WRN: variants seen among roughly 807,000 people sequenced by gnomAD.
WRN encodes the protein WRN RecQ like helicase.
Under a neutral mutation model 180.7 loss-of-function variants are expected in WRN, and 149 were observed. The observed-to-expected ratio is 0.82, with a 90% CI of 0.72 to 0.94. The LOEUF is 0.94. Ranked by LOEUF, WRN falls within the 40% of genes least tolerant of loss-of-function variation. The pLI, the probability that WRN is intolerant of heterozygous loss-of-function variation, is 0.00. For missense variants in WRN, 1,661 were observed against 1,700.1 expected, an observed-to-expected ratio of 0.98 and a Z score of 0.40; for synonymous variants, 548 against 568.9, an observed-to-expected ratio of 0.96 and a Z score of 0.52.
At chr8:31,143,655 T>G in intron 28 of WRN, 32 bp downstream of exon 28, 1 of 1,465,128 alleles carries the variant, frequency 6.8e-7, no homozygotes, top group Non-Finnish European at 9.5e-7. Context: ...TGTTCTATAC[T>G]TGCTTTATGA....
chr8:31,036,630 T>G (rs1484762043), intron 1 of WRN, among the ~76,000 whole-genome samples: 2 of 152,244 alleles, frequency 1.3e-5, no homozygotes, highest in Non-Finnish European at 2.9e-5. Flanking sequence ...ATATACTTGT[T>G]GGTTATTTGT....
At chr8:31,084,819 G>C (rs1430413590) in intron 10 of WRN, among the ~76,000 whole-genome samples, 1 of 152,138 alleles carries the variant, frequency 6.6e-6, no homozygotes, top group African/African-American at 2.4e-5. Context: ...TTTCAACATT[G>C]TGAAGAGTTC....
intron 1 of WRN, among the ~76,000 whole-genome samples, chr8:31,049,160 G>A (rs556032904): frequency 6.3e-4 from 78 of 123,300 alleles, no homozygotes; most frequent in Middle Eastern, 0.014. Context: ...GCAGTGAGCC[G>A]AGATCACGCC....
chr8:31,155,380 C>T (rs1049011157), intron 32 of WRN, among the ~76,000 whole-genome samples: 15 of 152,108 alleles, frequency 9.9e-5, no homozygotes, highest in South Asian at 6.2e-4. Context: ...CCCAGCACTT[C>T]GGGAGGCTGA....
At chr8:31,064,543 A>C (rs919144391) in intron 4 of WRN, 109 bp downstream of exon 4, 6 of 1,454,340 alleles carry the variant, frequency 4.1e-6, no homozygotes, top group Non-Finnish European at 5.7e-6. Flanking sequence ...CATTATCTCA[A>C]ATTTATTTAA....
chr8:31,049,956 A>G (rs1014206745), intron 1 of WRN, among the ~76,000 whole-genome samples: 5 of 151,850 alleles, frequency 3.3e-5, no homozygotes, highest in Non-Finnish European at 7.4e-5. Flanking sequence ...ATATCATAAG[A>G]CAAGTAATAT....
intron 10 of WRN, among the ~76,000 whole-genome samples, chr8:31,084,335 A>G (rs567402000): frequency 6.6e-6 from 1 of 152,146 alleles, no homozygotes; most frequent in East Asian, 1.9e-4. Context: ...TTTTACACAA[A>G]TTATTGCCAT....
chr8:31,072,023 G>T (rs1015425795), intron 7 of WRN, among the ~76,000 whole-genome samples: 2 of 152,192 alleles, frequency 1.3e-5, no homozygotes, highest in Non-Finnish European at 2.9e-5. Context: ...AGTGGAGGTG[G>T]TGCAAGAATT....
At chr8:31,071,810 A>C (rs1812924892) in intron 7 of WRN, among the ~76,000 whole-genome samples, 1 of 152,202 alleles carries the variant, frequency 6.6e-6, no homozygotes, top group South Asian at 2.1e-4. Flanking sequence ...AGCAAGCATG[A>C]GCCACTATGC....
rs71539917 is a variant in WRN at position 31,140,003 on chromosome 8, G to GTTTTTTT, written c.2968-1403_2968-1397dup. On this transcript the variant is annotated intron_variant, in intron 24 of 34. Coordinates refer to ENST00000298139, the MANE Select transcript of WRN (RefSeq NM_000553.6). Reference sequence around the variant, plus strand: ...AAGCTCTATGTTTGTATACTTCTTTGTTTTTTTTTTTTTTTTTTTTTTTTT... The same window carrying GTTTTTTT: ...AAGCTCTATGTTTGTATACTTCTTTGTTTTTTTTTTTTTTTTTTTTTTTTTTTTTTTT... 2.3e-3 allele frequency among the ~76,000 whole-genome samples: 144 copies of GTTTTTTT among 62,106 alleles called. 18 individuals are homozygous for GTTTTTTT. The highest frequency in any genetic ancestry group is 2.8e-3 in the African/African-American group (47 of 16,516). 40.7% of individuals were successfully genotyped at this position (62,106 alleles called of 152,430 possible). A position where few individuals can be genotyped will look rare whatever the true frequency, so the allele number is the denominator to read the frequency against.
At chr8:31,082,747 C>T (rs1459497037) in intron 9 of WRN, among the ~76,000 whole-genome samples, 1 of 152,036 alleles carries the variant, frequency 6.6e-6, no homozygotes, top group Non-Finnish European at 1.5e-5. Context: ...CAGGTGCCCG[C>T]CACCACACCC....
intron 23 of WRN, among the ~76,000 whole-genome samples, chr8:31,128,554 A>G (rs1802015681): frequency 6.6e-6 from 1 of 152,178 alleles, no homozygotes; most frequent in Admixed American, 6.5e-5. Context: ...ACATACATGG[A>G]ATATTTCTAA....
At chr8:31,153,198 A>G (rs568169922) in intron 31 of WRN, among the ~76,000 whole-genome samples, 8 of 152,164 alleles carry the variant, frequency 5.3e-5, no homozygotes, top group Non-Finnish European at 1.0e-4. Context: ...ATATACACTG[A>G]TATTTATACA....
rs115252222 is a variant in WRN at position 31,039,248 on chromosome 8, G to A, written c.-77+5275G>A. 2.0e-3 allele frequency among the ~76,000 whole-genome samples: 311 copies of A among 152,238 alleles called. 1 individual carries two copies. The highest frequency in any genetic ancestry group is 7.1e-3 in the African/African-American group (294 of 41,558). ...GTGTTTTCTTTAATTTCTTTCAGCA[G>A]CATTCTGTAGTTTTCAGAGTACACG... On this transcript the variant is annotated intron_variant, in intron 1 of 34. Coordinates refer to ENST00000298139, the MANE Select transcript of WRN (RefSeq NM_000553.6).
intron 33 of WRN, among the ~76,000 whole-genome samples, chr8:31,166,304 A>G (rs906757822): frequency 6.6e-6 from 1 of 152,114 alleles, no homozygotes; most frequent in African/African-American, 2.4e-5. Flanking sequence ...GGAGCATTGC[A>G]GAAGAATGTG....
At position 31,147,454 on chromosome 8, in the gene WRN, C is replaced by G; in HGVS notation, c.3550C>G (p.Leu1184Val). The change falls in exon 30 of 35, where the codon CTG (leucine) becomes GTG (valine). Residue 1184 changes from leucine to valine, a missense_variant. This residue lies in a region of WRN where 1,141 missense variants were observed against 1,149.4 expected (regional missense o/e 0.99). Transcript: ENST00000298139. ...PPAILATNKI[L>V]VDMAKMRPTT... The stretch of plus-strand genomic sequence containing the variant: ...AGCTATTCTGGCAACAAACAAGATA[C>G]TGGTGGATATGGCCAAAATGAGGTA... The G allele has an allele frequency of 6.2e-7, 1 of 1,613,808 alleles. No individual in the cohort carries two copies. The highest frequency in any genetic ancestry group is 8.5e-7 in the Non-Finnish European group (1 of 1,179,904).
chr8:31,171,283 C>T (rs1436137312), intron 34 of WRN: 3 of 151,394 alleles, frequency 2.0e-5, no homozygotes, highest in Non-Finnish European at 4.4e-5. Context: ...ATCTATGCAT[C>T]TGACAAAGGC....
At chr8:31,099,134 C>T (rs1468874921) in intron 17 of WRN, among the ~76,000 whole-genome samples, 2 of 151,014 alleles carry the variant, frequency 1.3e-5, no homozygotes, top group Non-Finnish European at 2.9e-5. Flanking sequence ...AGTGGTGGCT[C>T]ACACCTGTAA....
chr8:31,093,595 TA>T (rs1563346728), intron 16 of WRN, among the ~76,000 whole-genome samples: 1 of 152,214 alleles, frequency 6.6e-6, no homozygotes, highest in East Asian at 1.9e-4. Context: ...TCTTTTTTTC[TA>T]AGCATTTTAA....
Sources: allele counts gnomAD v4.1 joint callset (sites outside exome capture counted in the v4.1 genomes callset), GRCh38; gene constraint gnomAD v4.1.1; regional missense constraint gnomAD v4.1.1; transcripts MANE v1.5; gene names NCBI Gene and HGNC (gene_info 2026-07-23, HGNC 2026-07-21).